GRID2: variants seen among roughly 807,000 people sequenced by gnomAD.
GRID2 encodes glutamate ionotropic receptor delta type subunit 2.
Under a neutral mutation model 114.8 loss-of-function variants are expected in GRID2, and 33 were observed. The observed-to-expected ratio is 0.29, with a 90% CI of 0.22 to 0.38. GRID2 has a LOEUF of 0.38. Ranked by LOEUF, GRID2 falls within the 10% of genes least tolerant of loss-of-function variation. The pLI is 1.00. For missense variants in GRID2, 1,184 were observed against 1,257.7 expected, an observed-to-expected ratio of 0.94 and a Z score of 0.89; for synonymous variants, 505 against 449.9, an observed-to-expected ratio of 1.12 and a Z score of -1.55.
chr4:92,675,784 G>A (rs1218394766), intron 2 of GRID2, among the ~76,000 whole-genome samples: 2 of 151,948 alleles, frequency 1.3e-5, no homozygotes, highest in African/African-American at 4.8e-5. Flanking sequence ...TCGATCTCCT[G>A]AACTCGTGAT....
rs180839017 is a variant in GRID2, at chr4:92,905,913, C to T, written c.245-179082C>T. The stretch of plus-strand genomic sequence containing the variant: ...AATTTATTAATTTCAGTACTGAGTT[C>T]GCTCTATAATTAAGTCTTAATATGC... On this transcript the variant is annotated intron_variant, in intron 2 of 15. Transcript: ENST00000282020. Among the ~76,000 whole-genome samples the T allele has an allele frequency of 4.6e-3, 693 of 152,090 alleles. 7 individuals carry two copies. Among genetic ancestry groups the T allele is most frequent in the African/African-American group, 0.014 (598 of 41,496 alleles).
chr4:92,725,246 G>A (rs1042981388), intron 2 of GRID2, among the ~76,000 whole-genome samples: 15 of 152,132 alleles, frequency 9.9e-5, no homozygotes, highest in African/African-American at 3.6e-4. Flanking sequence ...GGAGGTTGCA[G>A]TGAGCTGAGA....
chr4:93,452,788 G>A (rs1376484443), intron 10 of GRID2, among the ~76,000 whole-genome samples: 2 of 152,048 alleles, frequency 1.3e-5, no homozygotes, highest in South Asian at 4.1e-4. Flanking sequence ...AAAAACCTAA[G>A]AAGGGTAAGA....
intron 1 of GRID2, among the ~76,000 whole-genome samples, chr4:92,520,861 A>G (rs1724734884): frequency 6.6e-6 from 1 of 151,980 alleles, no homozygotes; most frequent in Non-Finnish European, 1.5e-5. Context: ...TCTCTAGGCC[A>G]GCAGAGGATA....
intron 13 of GRID2, among the ~76,000 whole-genome samples, chr4:93,597,044 G>A (rs1250115412): frequency 3.9e-5 from 6 of 152,302 alleles, no homozygotes; most frequent in African/African-American, 1.2e-4. Flanking sequence ...AGTAGACAGT[G>A]AACAGATGTG....
chr4:93,756,177 A>G (rs1732733401), intron 14 of GRID2, among the ~76,000 whole-genome samples: 1 of 152,218 alleles, frequency 6.6e-6, no homozygotes, highest in Non-Finnish European at 1.5e-5. Context: ...CATACATTCT[A>G]AAGCTTCTGG....
chr4:92,442,046 G>A (rs939094190), intron 1 of GRID2, among the ~76,000 whole-genome samples: 7 of 151,612 alleles, frequency 4.6e-5, no homozygotes, highest in Admixed American at 1.3e-4. Flanking sequence ...AAGCCTGGCC[G>A]TCAATACCCA....
At chr4:92,661,327 T>C (rs908484881) in intron 2 of GRID2, among the ~76,000 whole-genome samples, 2 of 150,912 alleles carry the variant, frequency 1.3e-5, no homozygotes, top group Non-Finnish European at 3.0e-5. Flanking sequence ...AAATCTAACA[T>C]CTAATGTAAG....
At chr4:92,487,356 CCTT>C (rs1722945391) in intron 1 of GRID2, among the ~76,000 whole-genome samples, 1 of 151,698 alleles carries the variant, frequency 6.6e-6, no homozygotes, top group Non-Finnish European at 1.5e-5. Context: ...ATCTAGTGCT[CCTT>C]ATTTTTTGGG....
intron 4 of GRID2, among the ~76,000 whole-genome samples, chr4:93,185,697 G>A (rs1224664047): frequency 6.6e-6 from 1 of 151,960 alleles, no homozygotes; most frequent in African/African-American, 2.4e-5. Flanking sequence ...TTTTCTTACA[G>A]GTTTTTTAAA....
At chr4:92,692,660 AGTG>A (rs1472721498) in intron 2 of GRID2, among the ~76,000 whole-genome samples, 2 of 152,082 alleles carry the variant, frequency 1.3e-5, no homozygotes, top group African/African-American at 4.8e-5. Flanking sequence ...TTTGGGGTAA[AGTG>A]GTGAGAGAAA....
At chr4:92,736,669 C>A (rs1736614358) in intron 2 of GRID2, among the ~76,000 whole-genome samples, 1 of 152,072 alleles carries the variant, frequency 6.6e-6, no homozygotes, top group South Asian at 2.1e-4. Flanking sequence ...ACTCTTCTCT[C>A]CATCTTAGAC....
intron 2 of GRID2, among the ~76,000 whole-genome samples, chr4:92,897,673 A>G: frequency 6.6e-6 from 1 of 152,168 alleles, no homozygotes; most frequent in Non-Finnish European, 1.5e-5. Flanking sequence ...TCAAGTGTGT[A>G]ACTATATAGG....
At chr4:93,029,247 G>C (rs1724165448) in intron 2 of GRID2, among the ~76,000 whole-genome samples, 1 of 151,892 alleles carries the variant, frequency 6.6e-6, no homozygotes, top group South Asian at 2.1e-4. Flanking sequence ...TGAATTCTTG[G>C]TTTACCATCT....
chr4:93,739,810 C>T (rs1320812331), intron 14 of GRID2, among the ~76,000 whole-genome samples: 4 of 152,126 alleles, frequency 2.6e-5, no homozygotes, highest in East Asian at 1.9e-4. Context: ...ACTCAGCTTC[C>T]GGTTGACCTG....
At chr4:92,374,729 G>T (rs531811897) in intron 1 of GRID2, among the ~76,000 whole-genome samples, 13 of 152,168 alleles carry the variant, frequency 8.5e-5, no homozygotes, top group South Asian at 6.2e-4. Context: ...TAAGAGTAGC[G>T]CAAATCTTAA....
chr4:93,492,858 G>T (rs1410141288), intron 12 of GRID2, among the ~76,000 whole-genome samples: 1 of 151,648 alleles, frequency 6.6e-6, no homozygotes. Flanking sequence ...CCCACAACTG[G>T]TTCATCTTCT....
chr4:93,232,502 A>G (rs1396875257), intron 7 of GRID2, among the ~76,000 whole-genome samples: 1 of 150,980 alleles, frequency 6.6e-6, no homozygotes, highest in Non-Finnish European at 1.5e-5. Context: ...CCCAACATAT[A>G]TCAATATGAT....
chr4:92,554,991 A>G (rs1036571028), intron 1 of GRID2, among the ~76,000 whole-genome samples: 4 of 152,186 alleles, frequency 2.6e-5, no homozygotes, highest in Non-Finnish European at 5.9e-5. Context: ...GTTAGAATGT[A>G]TTACAGTTGT....
Sources: gnomAD v4.1 joint callset for allele counts (sites outside exome capture counted in the v4.1 genomes callset) on GRCh38, gnomAD v4.1.1 for gene constraint, MANE v1.5 for transcripts, NCBI Gene and HGNC (gene_info 2026-07-23, HGNC 2026-07-21) for gene names.